The following LIMK1 variants were observed in gnomAD, a reference collection of about 807,000 sequenced individuals.
The protein encoded by LIMK1 is LIM domain kinase 1.
LIMK1 carries 21 observed loss-of-function variants against 77.6 expected under a neutral mutation model. The ratio of observed to expected loss-of-function variants is 0.27; its 90% CI spans 0.19 to 0.39. The LOEUF is 0.39. Ranked by LOEUF, LIMK1 falls within the 10% of genes least tolerant of loss-of-function variation. The probability of loss-of-function intolerance (pLI) is 1.00; values close to 1 mark genes in which losing one functional copy is unlikely to be tolerated. For missense variants in LIMK1, 696 were observed against 901.6 expected (o/e 0.77, Z 2.92); for synonymous variants, 358 against 370.0 (o/e 0.97, Z 0.37).
At chr7:74,113,484 G>T (rs1298685089) in intron 12 of LIMK1, among the ~76,000 whole-genome samples, 1 of 152,110 alleles carries the variant, frequency 6.6e-6, no homozygotes, top group Non-Finnish European at 1.5e-5. Context: ...AAATTAGCAG[G>T]CATGGTGGCG....
rs1584118361 is a variant in LIMK1 at position 74,103,089 on chromosome 7, A to T, written c.609-2786A>T. Reference sequence around the variant, plus strand: ...TACCATGTTGCCCTGGCTGGTCTTGAACTCCTGACCTCAAATGATCCACCC... The same window carrying T: ...TACCATGTTGCCCTGGCTGGTCTTGTACTCCTGACCTCAAATGATCCACCC... On this transcript the variant is annotated intron_variant, in intron 5 of 15. Transcript: ENST00000336180. Among the ~76,000 whole-genome samples the T allele has an allele frequency of 2.6e-5, 4 of 151,602 alleles. No homozygotes were observed. In the East Asian group the frequency reaches 7.8e-4, roughly 30 times the overall value.
rs782270979 is a variant in LIMK1 at position 74,121,180 on chromosome 7, G to A, written c.1823G>A (p.Arg608His). The change falls in exon 16 of 16, where the codon CGC (arginine) becomes CAC (histidine). Residue 608 changes from arginine to histidine, a missense_variant. By Grantham distance (29) the Arg-to-His change is conservative (BLOSUM62 0). This residue lies in a region of LIMK1 where 438 missense variants were observed against 602.3 expected (regional missense o/e 0.73). Transcript: ENST00000336180. ...VKLEHWLETL[R>H]MHLAGHLPLG... ...CTGGAACACTGGCTGGAGACCCTCC[G>A]CATGCACCTGGCCGGCCACCTGCCA... The A allele has an allele frequency of 1.4e-5, 22 of 1,613,420 alleles. 1 individual carries two copies. The highest frequency in any genetic ancestry group is 4.4e-5 in the South Asian group (4 of 91,078).
chr7:74,114,410 G>T (rs1399770125), intron 12 of LIMK1, among the ~76,000 whole-genome samples: 1 of 151,780 alleles, frequency 6.6e-6, no homozygotes, highest in Non-Finnish European at 1.5e-5. Flanking sequence ...AAATTAGCTG[G>T]CATGGTGGTG....
At chr7:74,111,606 G>A (rs782641633) in intron 10 of LIMK1, 42 bp from the exon 11 acceptor site, 1 of 1,575,184 alleles carries the variant, frequency 6.3e-7, no homozygotes, top group South Asian at 1.1e-5. Flanking sequence ...TGCCATCGGG[G>A]CCCCCACCGG....
In LIMK1 at chr7:74,085,749, A is replaced by T; in HGVS notation, c.57A>T (p.Gly19=). The T allele has an allele frequency of 6.4e-7, 1 of 1,555,140 alleles. No individual in the cohort carries two copies. Among genetic ancestry groups the T allele is most frequent in the Non-Finnish European group, 8.7e-7 (1 of 1,149,150 alleles). The change falls in exon 2 of 16, where the codon GGA becomes GGT. Residue 19 remains glycine (G), a splice_region_variant and synonymous_variant. Transcript: ENST00000336180. ...CCCAACTCCCTTCCCACCCTGCAGG[A>T]AGCGAGTTGCCCGTGTGTGCAAGCT... ...TWREERMGEE[G]SELPVCASCG...
intron 9 of LIMK1, among the ~76,000 whole-genome samples, chr7:74,108,655 AAAAAAAGAAAAG>A (rs1166791524): frequency 6.6e-6 from 1 of 151,570 alleles, no homozygotes; most frequent in Non-Finnish European, 1.5e-5. Context: ...CTCAAAAAAA[AAAAAAAGAAAAG>A]AAAAAAGAAA....
At chr7:74,119,174 T>C (rs1799881783) in intron 13 of LIMK1, among the ~76,000 whole-genome samples, 1 of 151,250 alleles carries the variant, frequency 6.6e-6, no homozygotes. Context: ...TGAGCCACCG[T>C]GCCCGGCCAG....
intron 4 of LIMK1, 102 bp from the exon 5 acceptor site, chr7:74,098,930 A>AT: frequency 2.4e-6 from 2 of 823,138 alleles, no homozygotes; most frequent in African/African-American, 1.8e-5. Flanking sequence ...AAAAAAAAAA[A>AT]GGAAGGGATT....
At chr7:74,104,812 G>A (rs1799535014) in intron 5 of LIMK1, among the ~76,000 whole-genome samples, 1 of 152,170 alleles carries the variant, frequency 6.6e-6, no homozygotes. Flanking sequence ...GCCAATGCAG[G>A]AGCAATAGAG....
chr7:74,119,737 A>G (rs1289746463), intron 13 of LIMK1, among the ~76,000 whole-genome samples: 2 of 151,714 alleles, frequency 1.3e-5, no homozygotes, highest in Admixed American at 6.6e-5. Context: ...GTGAAACACC[A>G]TCTCTACTAA....
chr7:74,108,831 GA>G, intron 9 of LIMK1, 73 bp from the exon 10 acceptor site: 4 of 1,562,218 alleles, frequency 2.6e-6, no homozygotes, highest in East Asian at 2.3e-5. Context: ...TGGTGGGATG[GA>G]AAAGGGAGAA....
rs1184313437 is a variant in LIMK1 at position 74,100,739 on chromosome 7, C to CTTT, written c.608+1512_608+1514dup. Among the ~76,000 whole-genome samples, 64 of 133,360 alleles carry CTTT rather than the reference C, an allele frequency of 4.8e-4. No homozygotes were observed. In the East Asian group the frequency reaches 0.011, roughly 22 times the overall value. 87.5% of individuals were successfully genotyped at this position (133,360 alleles called of 152,430 possible). On this transcript the variant is annotated intron_variant, in intron 5 of 15. Transcript: ENST00000336180. ...GCCCAAGTGCTAGCTTTCTCTCTCT[C>CTTT]TTTTTTTTTTTTTCGAGACGGAGTC...
chr7:74,103,932 C>A (rs1328854161), intron 5 of LIMK1, among the ~76,000 whole-genome samples: 1 of 151,922 alleles, frequency 6.6e-6, no homozygotes, highest in Non-Finnish European at 1.5e-5. Flanking sequence ...GTAGCTGGGA[C>A]TACAGGCAGC....
At chr7:74,086,197 C>T (rs539513016) in intron 2 of LIMK1, among the ~76,000 whole-genome samples, 1 of 152,042 alleles carries the variant, frequency 6.6e-6, no homozygotes, top group African/African-American at 2.4e-5. Flanking sequence ...AGGCGTGCAC[C>T]ACCACGCCCA....
chr7:74,115,505 GGAGGGAGCA>G (rs1799787864), intron 12 of LIMK1: 1 of 363,766 alleles, frequency 2.7e-6, no homozygotes, highest in Non-Finnish European at 5.0e-6. Flanking sequence ...AGCGCTTGCA[GGAGGGAGCA>G]GTGGGTCCGC....
At chr7:74,097,282 C>T (rs1465503005) in intron 4 of LIMK1, 93 bp downstream of exon 4, 2 of 708,242 alleles carry the variant, frequency 2.8e-6, no homozygotes, top group Admixed American at 6.5e-5. Flanking sequence ...GCCTCCTGCC[C>T]TTTCCCATGG....
intron 12 of LIMK1, among the ~76,000 whole-genome samples, chr7:74,112,986 G>A (rs1799734781): frequency 6.6e-6 from 1 of 152,042 alleles, no homozygotes; most frequent in Admixed American, 6.6e-5. Context: ...TTCGTGTCCT[G>A]GGGCTGCCAT....
At chr7:74,118,088 G>A (rs1799851489) in intron 13 of LIMK1, among the ~76,000 whole-genome samples, 1 of 148,034 alleles carries the variant, frequency 6.8e-6, no homozygotes, top group Admixed American at 6.8e-5. Context: ...GGAAGACTGT[G>A]TCTCAAAAAG....
intron 2 of LIMK1, among the ~76,000 whole-genome samples, chr7:74,092,501 C>T (rs1343657526): frequency 6.6e-6 from 1 of 152,298 alleles, no homozygotes; most frequent in East Asian, 1.9e-4. Flanking sequence ...GTTGTCACTC[C>T]GGGGCCTGCC....
Sources: allele counts gnomAD v4.1 joint callset (sites outside exome capture counted in the v4.1 genomes callset), GRCh38; gene constraint gnomAD v4.1.1; regional missense constraint gnomAD v4.1.1; transcripts MANE v1.5; gene names NCBI Gene and HGNC (gene_info 2026-07-23, HGNC 2026-07-21).